Variants in MYCBP2 observed in about 807,000 individuals in gnomAD.
MYCBP2 encodes E3 ubiquitin-protein ligase MYCBP2.
MYCBP2 carries 120 observed loss-of-function variants against 525.3 expected under a neutral mutation model. The ratio of observed to expected loss-of-function variants is 0.23; its 90% CI spans 0.20 to 0.27. The LOEUF is 0.27. Ranked by LOEUF, MYCBP2 falls within the 10% of genes least tolerant of loss-of-function variation. MYCBP2 has a pLI of 1.00. For missense variants in MYCBP2, 4,149 were observed against 5,657.1 expected (o/e 0.73, Z 8.55); for synonymous variants, 1,894 against 1,955.8 (o/e 0.97, Z 0.83).
At chr13:77,235,516 G>C (rs2067789931) in intron 17 of MYCBP2, among the ~76,000 whole-genome samples, 2 of 152,038 alleles carry the variant, frequency 1.3e-5, no homozygotes, top group Non-Finnish European at 2.9e-5. Flanking sequence ...GGAGAGGTAT[G>C]CAAAAAAACA....
At chr13:77,061,631 T>C (rs1179624891) in intron 75 of MYCBP2, 31 bp downstream of exon 75, 3 of 1,601,742 alleles carry the variant, frequency 1.9e-6, no homozygotes, top group South Asian at 2.3e-5. Flanking sequence ...TCACTGAACA[T>C]ATTTTATGCT....
Position 77,045,182 on chromosome 13 carries a change from A to C in MYCBP2, c.*196T>G. On this transcript the variant is annotated 3_prime_UTR_variant, in exon 83 of 83. Transcript: ENST00000544440. ...GATGTCATTTGTTCAAAAGAAGATAAACCAAAATAATGGGGAAACTTTTCA... is the reference window on the plus strand; with the variant it reads ...GATGTCATTTGTTCAAAAGAAGATACACCAAAATAATGGGGAAACTTTTCA... 1 of 488,170 alleles carries C rather than the reference A, an allele frequency of 2.0e-6. No individual in the cohort carries two copies. Among genetic ancestry groups the C allele is most frequent in the Non-Finnish European group, 3.6e-6 (1 of 276,748 alleles). 30.2% of individuals were successfully genotyped at this position (488,170 alleles called of 1,614,324 possible).
intron 65 of MYCBP2, among the ~76,000 whole-genome samples, chr13:77,079,937 AC>A (rs1449049256): frequency 6.6e-6 from 1 of 152,194 alleles, no homozygotes; most frequent in Non-Finnish European, 1.5e-5. Flanking sequence ...GAAAATGAAT[AC>A]TGTTATGATT....
At chr13:77,293,740 C>T (rs1012521087) in intron 2 of MYCBP2, among the ~76,000 whole-genome samples, 22 of 152,028 alleles carry the variant, frequency 1.4e-4, no homozygotes, top group African/African-American at 5.1e-4. Context: ...CTCAACCAAC[C>T]GCCACTGGCT....
chr13:77,144,561 C>G lies in MYCBP2; in HGVS notation c.7188-1G>C. On this transcript the variant is annotated splice_acceptor_variant, in intron 48 of 82. Coordinates refer to ENST00000544440, the MANE Select transcript of MYCBP2 (RefSeq NM_015057.5). LOFTEE classifies it high-confidence loss of function. ...ACGGATCAGCATATTCTCACTGGGT[C>G]TGAAAAGAAATAAGATGGATATTGG... is the stretch of plus-strand genomic sequence containing the variant. The G allele has an allele frequency of 1.2e-6, 2 of 1,601,268 alleles. No individual in the cohort carries two copies. Among genetic ancestry groups the G allele is most frequent in the African/African-American group, 1.3e-5 (1 of 74,728 alleles).
chr13:77,075,062 G>T (rs1054437513), intron 68 of MYCBP2, among the ~76,000 whole-genome samples: 9 of 152,134 alleles, frequency 5.9e-5, no homozygotes, highest in African/African-American at 2.2e-4. Flanking sequence ...ATTAAAATCA[G>T]CTGGGCACGG....
At chr13:77,214,520 A>T (rs895292540) in intron 21 of MYCBP2, among the ~76,000 whole-genome samples, 4 of 152,222 alleles carry the variant, frequency 2.6e-5, no homozygotes, top group Admixed American at 6.5e-5. Context: ...AAGCGAAAAG[A>T]GCAAAGTGCA....
chr13:77,321,641 A>G (rs1440857946), intron 1 of MYCBP2, among the ~76,000 whole-genome samples: 1 of 152,160 alleles, frequency 6.6e-6, no homozygotes, highest in East Asian at 1.9e-4. Flanking sequence ...CAGAATTCCT[A>G]CTGTTACCTA....
chr13:77,063,880 T>A (rs1337955132), intron 73 of MYCBP2, among the ~76,000 whole-genome samples: 1 of 152,156 alleles, frequency 6.6e-6, no homozygotes, highest in Admixed American at 6.5e-5. Context: ...GGTGTCACAG[T>A]CAATAATAGC....
intron 54 of MYCBP2, among the ~76,000 whole-genome samples, chr13:77,122,233 ATATCCATAT>A (rs1378205555): frequency 1.3e-5 from 2 of 152,160 alleles, no homozygotes; most frequent in Admixed American, 6.5e-5. Flanking sequence ...CCTTAGTTAA[ATATCCATAT>A]TAATGCCAGC....
intron 68 of MYCBP2, among the ~76,000 whole-genome samples, chr13:77,071,245 A>ATATG (rs1264078574): frequency 6.7e-6 from 1 of 149,248 alleles, no homozygotes; most frequent in Middle Eastern, 3.2e-3. Flanking sequence ...GTGTATATAT[A>ATATG]TATATGCATG....
At chr13:77,212,192 T>C (rs1566940705) in intron 21 of MYCBP2, 32 bp from the exon 22 acceptor site, 17 of 1,588,742 alleles carry the variant, frequency 1.1e-5, no homozygotes, top group Non-Finnish European at 1.5e-5. Flanking sequence ...ATTAGCAATA[T>C]TGCTGTGTAA....
intron 52 of MYCBP2, among the ~76,000 whole-genome samples, chr13:77,133,353 A>G (rs989821381): frequency 1.9e-4 from 29 of 152,210 alleles, no homozygotes; most frequent in African/African-American, 6.5e-4. Flanking sequence ...TTTAAACAGA[A>G]TGATCATATC....
intron 55 of MYCBP2, chr13:77,099,221 TATTTTC>T: frequency 1.5e-6 from 1 of 669,450 alleles, no homozygotes. Flanking sequence ...CACCAAAAAC[TATTTTC>T]ATGGACGCAA....
intron 33 of MYCBP2, among the ~76,000 whole-genome samples, chr13:77,180,910 C>T (rs963822288): frequency 6.6e-6 from 1 of 152,098 alleles, no homozygotes; most frequent in Non-Finnish European, 1.5e-5. Flanking sequence ...ACAGAATGAG[C>T]TAGTCTTAAA....
chr13:77,323,974 T>G (rs2081997018), intron 1 of MYCBP2, among the ~76,000 whole-genome samples: 1 of 151,298 alleles, frequency 6.6e-6, no homozygotes, highest in African/African-American at 2.5e-5. Context: ...CTATCAATTA[T>G]CCCCTCTCTC....
At chr13:77,068,945 A>AC in intron 69 of MYCBP2, 114 bp from the exon 70 acceptor site, 9 of 1,020,558 alleles carry the variant, frequency 8.8e-6, no homozygotes, top group Non-Finnish European at 1.3e-5. Context: ...TACTCAATTT[A>AC]ATACTATTCT....
intron 1 of MYCBP2, among the ~76,000 whole-genome samples, chr13:77,313,544 C>A (rs1021177666): frequency 6.6e-6 from 1 of 151,954 alleles, no homozygotes; most frequent in African/African-American, 2.4e-5. Context: ...GAAAATAACA[C>A]AGGAGAAAAC....
chr13:77,139,451 T>C (rs1234224825), intron 51 of MYCBP2, 115 bp from the exon 52 acceptor site: 2 of 1,180,710 alleles, frequency 1.7e-6, no homozygotes, highest in East Asian at 2.4e-5. Flanking sequence ...ATTAAGCATC[T>C]AGTTTTTGCA....
Sources: allele counts gnomAD v4.1 joint callset (sites outside exome capture counted in the v4.1 genomes callset), GRCh38; gene constraint gnomAD v4.1.1; transcripts MANE v1.5; gene names NCBI Gene and HGNC (gene_info 2026-07-23, HGNC 2026-07-21).